The following LTAP1 variants were observed in gnomAD, a reference collection of about 807,000 sequenced individuals.
LTAP1 encodes the protein lipid transport auxiliary protein 1.
the LTAP1 span, among the ~76,000 whole-genome samples, chr1:154,211,076 G>A: frequency 1.2e-4 from 18 of 150,928 alleles, no homozygotes; most frequent in African/African-American, 2.9e-4. Context: ...GCATGATATC[G>A]GCTCATTGCA....
the LTAP1 span, among the ~76,000 whole-genome samples, chr1:154,210,594 C>T: frequency 4.6e-5 from 7 of 152,116 alleles, no homozygotes; most frequent in South Asian, 1.5e-3. Flanking sequence ...TCTCCTGCCT[C>T]ACCTTCCTGA....
the LTAP1 span, among the ~76,000 whole-genome samples, chr1:154,210,261 A>G: frequency 2.7e-4 from 41 of 150,198 alleles, 1 homozygote; most frequent in Admixed American, 2.4e-3. Context: ...CTGGTCTCCA[A>G]CTCCTGGCCT....
the LTAP1 span, chr1:154,220,576 G>A: frequency 6.0e-6 from 4 of 671,144 alleles, no homozygotes; most frequent in South Asian, 7.1e-5. Flanking sequence ...ACAGGCAGGA[G>A]AGCTGGGAAA....
chr1:154,215,682 A>T, the LTAP1 span, among the ~76,000 whole-genome samples: 4 of 152,296 alleles, frequency 2.6e-5, no homozygotes, highest in African/African-American at 9.6e-5. Flanking sequence ...CAGGAAATAA[A>T]TTTTTTGTTG....
chr1:154,207,440 T>A, the LTAP1 span: 2 of 1,613,230 alleles, frequency 1.2e-6, no homozygotes, highest in Non-Finnish European at 1.7e-6. Flanking sequence ...ACGGCAAGAG[T>A]CCTTCAGCTC....
At chr1:154,213,874 C>A in the LTAP1 span, 1 of 1,608,022 alleles carries the variant, frequency 6.2e-7, no homozygotes, top group Non-Finnish European at 8.5e-7. Context: ...TAGAATGGAC[C>A]CTGTCAGGTA....
At chr1:154,209,069 G>A in the LTAP1 span, among the ~76,000 whole-genome samples, 1 of 152,116 alleles carries the variant, frequency 6.6e-6, no homozygotes, top group Admixed American at 6.6e-5. Flanking sequence ...TTTTTAAAAA[G>A]ATTGTGGTAA....
the LTAP1 span, chr1:154,220,381 G>A: frequency 6.2e-7 from 1 of 1,614,200 alleles, no homozygotes; most frequent in Non-Finnish European, 8.5e-7. Context: ...CATTCACCCC[G>A]GAGAGCCAGT....
the LTAP1 span, chr1:154,220,546 C>T: frequency 1.2e-6 from 1 of 854,784 alleles, no homozygotes; most frequent in Admixed American, 2.3e-5. Context: ...CAAGCCAGAC[C>T]CGGCCTGAAA....
chr1:154,215,522 C>T, the LTAP1 span, among the ~76,000 whole-genome samples: 4 of 150,074 alleles, frequency 2.7e-5, no homozygotes, highest in East Asian at 4.0e-4. Flanking sequence ...GCCGAGATTG[C>T]GCCACTGCAC....
At chr1:154,215,895 T>C in the LTAP1 span, among the ~76,000 whole-genome samples, 1 of 151,574 alleles carries the variant, frequency 6.6e-6, no homozygotes, top group Admixed American at 6.6e-5. Flanking sequence ...TGGAGTGCAG[T>C]GGCGCAATCT....
chr1:154,220,270 G>T, the LTAP1 span: 1 of 1,551,552 alleles, frequency 6.4e-7, no homozygotes, highest in Non-Finnish European at 8.9e-7. Context: ...ATGCAGACGG[G>T]GTACAGCTCA....
the LTAP1 span, among the ~76,000 whole-genome samples, chr1:154,216,721 C>T: frequency 4.1e-4 from 63 of 151,818 alleles, no homozygotes; most frequent in African/African-American, 1.3e-3. Context: ...TCACCATGCT[C>T]GCCAGGCTGG....
At chr1:154,215,055 G>C in the LTAP1 span, among the ~76,000 whole-genome samples, 1 of 151,836 alleles carries the variant, frequency 6.6e-6, no homozygotes, top group Admixed American at 6.6e-5. Flanking sequence ...ATGTTGGCCA[G>C]GCTGGTCTCA....
the LTAP1 span, among the ~76,000 whole-genome samples, chr1:154,215,634 A>G: frequency 6.6e-6 from 1 of 151,962 alleles, no homozygotes; most frequent in Non-Finnish European, 1.5e-5. Flanking sequence ...TTTCAGTTTC[A>G]TATTAATCTC....
the LTAP1 span, chr1:154,212,209 T>A: frequency 8.5e-7 from 1 of 1,183,398 alleles, no homozygotes; most frequent in Non-Finnish European, 1.3e-6. Context: ...ACCTGACAAC[T>A]CTTATGGTAT....
chr1:154,209,125 A>G, the LTAP1 span, among the ~76,000 whole-genome samples: 1 of 152,180 alleles, frequency 6.6e-6, no homozygotes, highest in South Asian at 2.1e-4. Flanking sequence ...TTTTAAATGT[A>G]TGGTTCAGTA....
chr1:154,209,423 GTTTTTTTTTTTT>G, the LTAP1 span, among the ~76,000 whole-genome samples: 1 of 101,852 alleles, frequency 9.8e-6, no homozygotes, highest in Admixed American at 1.2e-4. Flanking sequence ...GCTCTAAGCA[GTTTTTTTTTTTT>G]TTTTTTTTGA....
At chr1:154,219,608 C>G in the LTAP1 span, among the ~76,000 whole-genome samples, 1 of 152,206 alleles carries the variant, frequency 6.6e-6, no homozygotes, top group Non-Finnish European at 1.5e-5. Context: ...GCCCTTCATT[C>G]TGCAGATACA....
Sources: allele counts gnomAD v4.1 joint callset (sites outside exome capture counted in the v4.1 genomes callset), GRCh38; gene constraint gnomAD v4.1.1; transcripts MANE v1.5; gene names NCBI Gene and HGNC (gene_info 2026-07-23, HGNC 2026-07-21).